The following ELMO1 variants were observed in gnomAD, a reference collection of about 807,000 sequenced individuals.
ELMO1 encodes the protein engulfment and cell motility 1, also known as engulfment and cell motility protein 1.
ELMO1 carries 26 observed loss-of-function variants against 98.9 expected under a neutral mutation model. The ratio of observed to expected loss-of-function variants is 0.26; its 90% CI spans 0.19 to 0.36. ELMO1 has a LOEUF of 0.36. Ranked by LOEUF, ELMO1 falls within the 10% of genes least tolerant of loss-of-function variation. The probability of loss-of-function intolerance (pLI) is 1.00; values close to 1 mark genes in which losing one functional copy is unlikely to be tolerated. For missense variants in ELMO1, 627 were observed against 935.2 expected (o/e 0.67, Z 4.30); for synonymous variants, 346 against 346.0 (o/e 1.00, Z 0.00).
intron 2 of ELMO1, among the ~76,000 whole-genome samples, chr7:37,339,092 G>A (rs180765302): frequency 3.3e-5 from 5 of 152,328 alleles, no homozygotes; most frequent in Admixed American, 1.3e-4. Context: ...TTTAAGGACT[G>A]TTCACCAGGC....
chr7:37,398,677 C>T (rs901441629), intron 1 of ELMO1, among the ~76,000 whole-genome samples: 2 of 152,150 alleles, frequency 1.3e-5, no homozygotes, highest in Non-Finnish European at 2.9e-5. Flanking sequence ...CTGCTGCTAT[C>T]GTCTCATCCT....
At chr7:37,325,196 T>TTTG (rs1799736572) in intron 2 of ELMO1, among the ~76,000 whole-genome samples, 2 of 152,262 alleles carry the variant, frequency 1.3e-5, no homozygotes, top group African/African-American at 4.8e-5. Context: ...CAGCCCCCGA[T>TTTG]GCTGCCTTTG....
intron 6 of ELMO1, among the ~76,000 whole-genome samples, chr7:37,254,383 CTGAT>C (rs1398656974): frequency 3.3e-5 from 5 of 152,196 alleles, no homozygotes; most frequent in African/African-American, 1.2e-4. Flanking sequence ...GGACGGCTTA[CTGAT>C]TATTATAAAT....
chr7:36,899,058 G>A (rs1222030658), intron 16 of ELMO1, among the ~76,000 whole-genome samples: 1 of 152,222 alleles, frequency 6.6e-6, no homozygotes, highest in African/African-American at 2.4e-5. Context: ...AGCAGCCTGA[G>A]TGAAGGCTTG....
At chr7:37,247,895 ATGTGTGTGTGTG>A (rs58502667) in intron 6 of ELMO1, among the ~76,000 whole-genome samples, 19 of 146,644 alleles carry the variant, frequency 1.3e-4, no homozygotes, top group African/African-American at 4.2e-4. Context: ...TTGAAATAAA[ATGTGTGTGTGTG>A]TGTGTGTGTG....
At chr7:37,052,438 A>G (rs574120602) in intron 15 of ELMO1, among the ~76,000 whole-genome samples, 1 of 152,228 alleles carries the variant, frequency 6.6e-6, no homozygotes, top group Non-Finnish European at 1.5e-5. Flanking sequence ...TATTTATTCT[A>G]TCAGAGCTCT....
intron 13 of ELMO1, among the ~76,000 whole-genome samples, chr7:37,155,906 T>A (rs957644263): frequency 6.6e-6 from 1 of 152,106 alleles, no homozygotes; most frequent in Non-Finnish European, 1.5e-5. Context: ...TATTCCACAA[T>A]TGACCACATA....
At chr7:37,179,842 C>T (rs1166697520) in intron 13 of ELMO1, among the ~76,000 whole-genome samples, 1 of 152,072 alleles carries the variant, frequency 6.6e-6, no homozygotes, top group African/African-American at 2.4e-5. Context: ...TTTTGCTTGG[C>T]AGAGGGAAGT....
intron 2 of ELMO1, among the ~76,000 whole-genome samples, chr7:37,331,501 A>C (rs1800120447): frequency 6.6e-6 from 1 of 151,872 alleles, no homozygotes. Context: ...TTTTTCACTT[A>C]TAAGATGTCT....
intron 16 of ELMO1, among the ~76,000 whole-genome samples, chr7:36,980,830 CA>C (rs1242977884): frequency 3.3e-5 from 5 of 152,140 alleles, no homozygotes; most frequent in African/African-American, 4.8e-5. Context: ...AGCAGATACA[CA>C]AAGCAATTCA....
intron 19 of ELMO1, among the ~76,000 whole-genome samples, chr7:36,873,066 T>C (rs1803659879): frequency 6.6e-6 from 1 of 152,174 alleles, no homozygotes; most frequent in Non-Finnish European, 1.5e-5. Flanking sequence ...TGGAAGTACA[T>C]ATATATTTTT....
intron 1 of ELMO1, among the ~76,000 whole-genome samples, chr7:37,441,965 C>G (rs1342423686): frequency 1.3e-5 from 2 of 152,184 alleles, no homozygotes; most frequent in Non-Finnish European, 2.9e-5. Context: ...GCACTTATAA[C>G]TGCTGTTGAA....
chr7:37,363,554 CCT>C (rs1801782142), intron 1 of ELMO1, among the ~76,000 whole-genome samples: 1 of 152,120 alleles, frequency 6.6e-6, no homozygotes, highest in African/African-American at 2.4e-5. Context: ...TGGCTCCAGC[CCT>C]CTCTCAGTTG....
intron 10 of ELMO1, among the ~76,000 whole-genome samples, chr7:37,221,125 C>G (rs1276799324): frequency 6.6e-6 from 1 of 152,192 alleles, no homozygotes; most frequent in African/African-American, 2.4e-5. Context: ...CTGCCCCTAG[C>G]ACAGGCTTGT....
chr7:37,295,885 A>G (rs560229912), intron 4 of ELMO1, among the ~76,000 whole-genome samples: 2 of 152,252 alleles, frequency 1.3e-5, no homozygotes, highest in Non-Finnish European at 2.9e-5. Flanking sequence ...GGTGATCATT[A>G]TAATAATATA....
chr7:37,207,134 A>G (rs1792676744), intron 13 of ELMO1, among the ~76,000 whole-genome samples: 1 of 152,240 alleles, frequency 6.6e-6, no homozygotes, highest in African/African-American at 2.4e-5. Context: ...GCTACAATCA[A>G]GAGGGACAAC....
At chr7:36,891,845 T>C (rs1320168494) in intron 17 of ELMO1, among the ~76,000 whole-genome samples, 1 of 152,206 alleles carries the variant, frequency 6.6e-6, no homozygotes, top group Non-Finnish European at 1.5e-5. Flanking sequence ...CACATTTTGC[T>C]TCCCTGCTTT....
At chr7:37,049,737 T>A (rs1175549713) in intron 15 of ELMO1, among the ~76,000 whole-genome samples, 1 of 151,810 alleles carries the variant, frequency 6.6e-6, no homozygotes, top group African/African-American at 2.4e-5. Flanking sequence ...TAAAACTGAT[T>A]GGCAGAAATA....
At chr7:37,200,858 G>A (rs1412359114) in intron 13 of ELMO1, among the ~76,000 whole-genome samples, 1 of 151,750 alleles carries the variant, frequency 6.6e-6, no homozygotes, top group African/African-American at 2.4e-5. Context: ...TCCTGAGGTG[G>A]TAGGATAGCT....
Sources: gnomAD v4.1 joint callset for allele counts (sites outside exome capture counted in the v4.1 genomes callset) on GRCh38, gnomAD v4.1.1 for gene constraint, MANE v1.5 for transcripts, NCBI Gene and HGNC (gene_info 2026-07-23, HGNC 2026-07-21) for gene names.